The following CNTLN variants were observed in gnomAD, a reference collection of about 807,000 sequenced individuals.
The protein encoded by CNTLN is centlein, centrosomal protein.
CNTLN carries 212 observed loss-of-function variants against 180.0 expected under a neutral mutation model. The ratio of observed to expected loss-of-function variants is 1.18; its 90% CI spans 1.05 to 1.32. CNTLN has a LOEUF of 1.32. CNTLN is among the 40% of genes most tolerant of loss of function. The probability of loss-of-function intolerance (pLI) is 0.00; values close to 1 mark genes in which losing one functional copy is unlikely to be tolerated. For synonymous variants in CNTLN, 722 were observed against 563.1 expected, an observed-to-expected ratio of 1.28 and a Z score of -3.99; for missense variants, 2,095 against 1,610.9, an observed-to-expected ratio of 1.30 and a Z score of -5.14.
chr9:17,359,600 G>A (rs1465095229), intron 12 of CNTLN, among the ~76,000 whole-genome samples: 1 of 151,202 alleles, frequency 6.6e-6, no homozygotes, highest in African/African-American at 2.4e-5. Flanking sequence ...AGGACATCCA[G>A]GCCGAGTGCG....
intron 19 of CNTLN, among the ~76,000 whole-genome samples, chr9:17,460,348 C>T (rs909610113): frequency 1.3e-5 from 2 of 151,660 alleles, no homozygotes; most frequent in Non-Finnish European, 3.0e-5. Context: ...GACTTTTTAC[C>T]ATTGTGACAT....
At chr9:17,235,578 C>G (rs1385720120) in intron 3 of CNTLN, 80 bp from the exon 4 acceptor site, 1 of 1,192,780 alleles carries the variant, frequency 8.4e-7, no homozygotes, top group Admixed American at 2.5e-5. Flanking sequence ...ATTAGCAAAT[C>G]AAAATGTAAA....
At chr9:17,419,714 C>T (rs1403905827) in intron 18 of CNTLN, among the ~76,000 whole-genome samples, 1 of 151,966 alleles carries the variant, frequency 6.6e-6, no homozygotes, top group African/African-American at 2.4e-5. Flanking sequence ...AACATATATT[C>T]TTCCACTGTA....
At chr9:17,309,691 G>T (rs1587610490) in intron 8 of CNTLN, among the ~76,000 whole-genome samples, 2 of 151,930 alleles carry the variant, frequency 1.3e-5, no homozygotes, top group South Asian at 2.1e-4. Context: ...TTTTGGACAG[G>T]TCATGTAACC....
intron 8 of CNTLN, among the ~76,000 whole-genome samples, chr9:17,321,391 C>G (rs1443010077): frequency 6.6e-6 from 1 of 152,104 alleles, no homozygotes; most frequent in African/African-American, 2.4e-5. Flanking sequence ...CTCTGAGCTC[C>G]TTGAGGGCAA....
intron 13 of CNTLN, among the ~76,000 whole-genome samples, chr9:17,367,853 T>G (rs1340919434): frequency 1.4e-5 from 2 of 147,342 alleles, no homozygotes; most frequent in African/African-American, 2.5e-5. Flanking sequence ...AATACCCAGA[T>G]GGTACACTGT....
At chr9:17,470,435 A>G (rs1452130181) in intron 23 of CNTLN, among the ~76,000 whole-genome samples, 2 of 151,936 alleles carry the variant, frequency 1.3e-5, no homozygotes, top group African/African-American at 4.8e-5. Context: ...AATAGTAATA[A>G]TGTTTGTTCT....
intron 5 of CNTLN, among the ~76,000 whole-genome samples, chr9:17,243,782 G>A (rs963029067): frequency 2.6e-5 from 4 of 152,098 alleles, no homozygotes; most frequent in Admixed American, 1.3e-4. Flanking sequence ...TGTGTATTTC[G>A]CAGCCATTGG....
the CNTLN span, among the ~76,000 whole-genome samples, chr9:17,520,746 T>G: frequency 6.6e-6 from 1 of 152,220 alleles, no homozygotes; most frequent in Non-Finnish European, 1.5e-5. Context: ...TATCAGCTGA[T>G]GTATTTTTAG....
At chr9:17,312,289 C>T (rs934477735) in intron 8 of CNTLN, among the ~76,000 whole-genome samples, 1 of 145,752 alleles carries the variant, frequency 6.9e-6, no homozygotes, top group Non-Finnish European at 1.5e-5. Context: ...TTGTTACTGA[C>T]TTCTAATCTA....
chr9:17,147,494 A>G (rs1818535669), intron 2 of CNTLN, among the ~76,000 whole-genome samples: 1 of 152,154 alleles, frequency 6.6e-6, no homozygotes, highest in Non-Finnish European at 1.5e-5. Flanking sequence ...TATGAAAAGC[A>G]GCATCCTCTT....
chr9:17,157,182 C>G (rs968499400), intron 2 of CNTLN, among the ~76,000 whole-genome samples: 2 of 152,146 alleles, frequency 1.3e-5, no homozygotes, highest in Non-Finnish European at 2.9e-5. Context: ...TTTCTGATAC[C>G]ATTTGGCCTG....
intron 12 of CNTLN, among the ~76,000 whole-genome samples, chr9:17,347,299 A>C (rs1045677625): frequency 6.6e-6 from 1 of 152,230 alleles, no homozygotes; most frequent in Non-Finnish European, 1.5e-5. Context: ...TCTCCTGGAC[A>C]TGTGGACTAC....
the CNTLN span, among the ~76,000 whole-genome samples, chr9:17,520,539 A>T: frequency 6.6e-6 from 1 of 152,244 alleles, no homozygotes; most frequent in Non-Finnish European, 1.5e-5. Flanking sequence ...TGGGAAGGGC[A>T]TTCTGAAAAA....
chr9:17,293,202 C>A (rs998082954), intron 6 of CNTLN, among the ~76,000 whole-genome samples: 1 of 152,224 alleles, frequency 6.6e-6, no homozygotes, highest in African/African-American at 2.4e-5. Context: ...AGGAATGCTC[C>A]TGTATAAGTT....
intron 18 of CNTLN, among the ~76,000 whole-genome samples, chr9:17,422,000 A>T (rs775848540): frequency 3.3e-5 from 5 of 152,002 alleles, no homozygotes; most frequent in Non-Finnish European, 7.4e-5. Flanking sequence ...TTACCCTTAG[A>T]TGATTTCTTA....
At chr9:17,164,493 C>A (rs1819924768) in intron 2 of CNTLN, among the ~76,000 whole-genome samples, 2 of 90,416 alleles carry the variant, frequency 2.2e-5, no homozygotes, top group East Asian at 4.1e-4. Flanking sequence ...GAGGTGGAGT[C>A]TAGCTTTGTT....
At chr9:17,407,750 A>G (rs1020094025) in intron 15 of CNTLN, among the ~76,000 whole-genome samples, 1 of 152,212 alleles carries the variant, frequency 6.6e-6, no homozygotes, top group Non-Finnish European at 1.5e-5. Context: ...AGTTTTACTC[A>G]GTACCTCTCA....
At chr9:17,397,193 A>G (rs1455379436) in intron 15 of CNTLN, among the ~76,000 whole-genome samples, 2 of 152,216 alleles carry the variant, frequency 1.3e-5, no homozygotes, top group East Asian at 3.9e-4. Flanking sequence ...GTTTCCAGAA[A>G]GAGGTCCCAA....
Sources: allele counts gnomAD v4.1 joint callset (sites outside exome capture counted in the v4.1 genomes callset), GRCh38; gene constraint gnomAD v4.1.1; transcripts MANE v1.5; gene names NCBI Gene and HGNC (gene_info 2026-07-23, HGNC 2026-07-21).